DLGAP1: variants seen among roughly 807,000 people sequenced by gnomAD.
DLGAP1 encodes disks large-associated protein 1.
DLGAP1 carries 11 observed loss-of-function variants against 90.8 expected under a neutral mutation model. The observed-to-expected ratio is 0.12, with a 90% CI of 0.08 to 0.20. DLGAP1 has a LOEUF of 0.20. DLGAP1 is among the 10% of genes least tolerant of loss of function. DLGAP1 has a pLI of 1.00. For missense variants in DLGAP1, 1,050 were observed against 1,333.8 expected (o/e 0.79, Z 3.31); for synonymous variants, 558 against 540.7 (o/e 1.03, Z -0.44).
At chr18:3,773,881 A>G (rs2064815609) in intron 5 of DLGAP1, among the ~76,000 whole-genome samples, 1 of 152,228 alleles carries the variant, frequency 6.6e-6, no homozygotes, top group Admixed American at 6.5e-5. Context: ...GAAGTATTCA[A>G]TTGCCAAGTT....
chr18:3,772,218 C>CTT (rs2064618322), intron 5 of DLGAP1, among the ~76,000 whole-genome samples: 2 of 63,832 alleles, frequency 3.1e-5, no homozygotes, highest in South Asian at 1.0e-3. Context: ...TTTTCTTTCT[C>CTT]TCTTTCTTTT....
intron 5 of DLGAP1, among the ~76,000 whole-genome samples, chr18:3,767,959 C>G (rs2147978141): frequency 6.6e-6 from 1 of 152,094 alleles, no homozygotes; most frequent in South Asian, 2.1e-4. Flanking sequence ...GGAAAGGAAC[C>G]TAGTTCACCT....
At chr18:3,713,126 C>T (rs996977549) in intron 7 of DLGAP1, among the ~76,000 whole-genome samples, 31 of 152,338 alleles carry the variant, frequency 2.0e-4, no homozygotes, top group African/African-American at 7.2e-4. Context: ...GAACCACCAA[C>T]AAGTACAGCC....
At chr18:3,682,598 ACTCT>A (rs1452674256) in intron 7 of DLGAP1, among the ~76,000 whole-genome samples, 1 of 151,904 alleles carries the variant, frequency 6.6e-6, no homozygotes, top group East Asian at 1.9e-4. Flanking sequence ...TCAAGTCCTG[ACTCT>A]CTCTAAGAAG....
chr18:4,269,083 ACT>A (rs2145334682), intron 1 of DLGAP1, among the ~76,000 whole-genome samples: 1 of 151,808 alleles, frequency 6.6e-6, no homozygotes, highest in African/African-American at 2.4e-5. Context: ...GTTAATATTA[ACT>A]CTTATAATAT....
chr18:4,290,864 T>C (rs1001708950), intron 1 of DLGAP1, among the ~76,000 whole-genome samples: 1 of 152,198 alleles, frequency 6.6e-6, no homozygotes, highest in African/African-American at 2.4e-5. Context: ...CAATCTGTAA[T>C]GAACTTCTGG....
intron 1 of DLGAP1, among the ~76,000 whole-genome samples, chr18:4,349,752 T>C (rs1169303811): frequency 2.0e-5 from 3 of 152,034 alleles, no homozygotes; most frequent in Non-Finnish European, 4.4e-5. Context: ...AAAAAATGTA[T>C]TCTAATGAGT....
intron 7 of DLGAP1, among the ~76,000 whole-genome samples, chr18:3,643,766 G>A (rs1567887735): frequency 6.6e-6 from 1 of 150,432 alleles, no homozygotes. Context: ...CTCATAATAA[G>A]AGTATTACAA....
chr18:3,548,520 T>C (rs748900712), intron 9 of DLGAP1, among the ~76,000 whole-genome samples: 11 of 151,140 alleles, frequency 7.3e-5, no homozygotes, highest in Non-Finnish European at 1.5e-4. Context: ...ATCCAGCACT[T>C]TGGGAGACTG....
intron 3 of DLGAP1, among the ~76,000 whole-genome samples, chr18:3,928,674 G>A (rs949086483): frequency 8.5e-5 from 13 of 152,144 alleles, no homozygotes; most frequent in African/African-American, 3.1e-4. Context: ...GAGAAGTAAA[G>A]TAACTTATTC....
At chr18:3,935,776 T>C (rs2072622379) in intron 3 of DLGAP1, among the ~76,000 whole-genome samples, 1 of 152,204 alleles carries the variant, frequency 6.6e-6, no homozygotes, top group South Asian at 2.1e-4. Context: ...TCAGAGAAGT[T>C]GATAACCGGC....
intron 3 of DLGAP1, among the ~76,000 whole-genome samples, chr18:3,972,237 C>T (rs1050883667): frequency 1.3e-5 from 2 of 152,130 alleles, no homozygotes; most frequent in East Asian, 1.9e-4. Context: ...CTAGGCCGGG[C>T]ATGGTGGCTC....
chr18:3,977,761 G>C (rs1323752986), intron 3 of DLGAP1: 1 of 361,702 alleles, frequency 2.8e-6, no homozygotes, highest in Non-Finnish European at 5.3e-6. Flanking sequence ...GCCCACCCCA[G>C]CTTTGAAGGT....
chr18:3,504,490 C>G (rs1259554989), intron 11 of DLGAP1, among the ~76,000 whole-genome samples: 1 of 152,036 alleles, frequency 6.6e-6, no homozygotes, highest in African/African-American at 2.4e-5. Flanking sequence ...GTTCAAGCGA[C>G]TCTCCTGCCT....
At chr18:3,617,607 A>AT (rs1555701710) in intron 7 of DLGAP1, among the ~76,000 whole-genome samples, 1 of 151,032 alleles carries the variant, frequency 6.6e-6, no homozygotes, top group Non-Finnish European at 1.5e-5. Context: ...AAAAAAAAAA[A>AT]TTGTTGAAAA....
chr18:3,721,946 T>C (rs2061998822), intron 7 of DLGAP1: 1 of 152,234 alleles, frequency 6.6e-6, no homozygotes, highest in African/African-American at 2.4e-5. Context: ...GCTGTTTGTA[T>C]GCTTGTCAAA....
At chr18:3,745,885 C>T (rs984486365) in intron 5 of DLGAP1, among the ~76,000 whole-genome samples, 5 of 151,990 alleles carry the variant, frequency 3.3e-5, no homozygotes, top group East Asian at 1.9e-4. Context: ...GAAGGGGTTA[C>T]ACCATGTTGG....
intron 5 of DLGAP1, among the ~76,000 whole-genome samples, chr18:3,759,347 T>C (rs1474463151): frequency 6.6e-6 from 1 of 152,036 alleles, no homozygotes; most frequent in Non-Finnish European, 1.5e-5. Context: ...ACAGGCTCAC[T>C]ATGTGCAAAG....
At chr18:3,516,916 G>C (rs2050877359) in intron 10 of DLGAP1, among the ~76,000 whole-genome samples, 1 of 152,200 alleles carries the variant, frequency 6.6e-6, no homozygotes, top group Non-Finnish European at 1.5e-5. Context: ...CAGATGTCAT[G>C]TTTGCAGGCA....
Sources: allele counts gnomAD v4.1 joint callset (sites outside exome capture counted in the v4.1 genomes callset), GRCh38; gene constraint gnomAD v4.1.1; transcripts MANE v1.5; gene names NCBI Gene and HGNC (gene_info 2026-07-23, HGNC 2026-07-21).